The following NUP62CL variants were observed in gnomAD, a reference collection of about 807,000 sequenced individuals.
NUP62CL encodes the protein nucleoporin-62 C-terminal-like protein.
Under a neutral mutation model 15.3 loss-of-function variants are expected in NUP62CL, and 13 were observed. The observed-to-expected ratio is 0.85, with a 90% CI of 0.55 to 1.35. The LOEUF (loss-of-function observed/expected upper bound fraction) is 1.35, where lower values mean the gene tolerates loss of function less well. Ranked by LOEUF, NUP62CL falls within the 40% of genes most tolerant of loss-of-function variation. NUP62CL has a pLI of 0.00. For missense variants in NUP62CL, 123 were observed against 130.6 expected (o/e 0.94, Z 0.28); for synonymous variants, 54 against 49.2 (o/e 1.10, Z -0.41).
intron 8 of NUP62CL, chrX:107,132,086 T>G (rs925069538): frequency 6.1e-6 from 7 of 1,154,481 alleles, no homozygotes; most frequent in Admixed American, 2.2e-5. Context: ...GACGAAGAAG[T>G]GGTAGCTTCA....
intron 2 of NUP62CL, among the ~76,000 whole-genome samples, chrX:107,189,909 GAAA>G (rs2147815445): frequency 9.8e-6 from 1 of 102,450 alleles, no homozygotes; most frequent in Admixed American, 1.1e-4. Flanking sequence ...AAGAAAGAAA[GAAA>G]GAAAGAAAGA....
intron 8 of NUP62CL, among the ~76,000 whole-genome samples, chrX:107,144,976 G>C (rs1041896261): frequency 1.8e-5 from 2 of 111,391 alleles, no homozygotes; most frequent in African/African-American, 3.3e-5. Context: ...TACAGACTCA[G>C]AGAGATTAAG....
In NUP62CL at chrX:107,193,080, A is replaced by C; in HGVS notation, c.-91-8T>G. 8.9e-6 allele frequency: 1 copy of C among 112,175 alleles called. No individual in the cohort carries two copies. Among genetic ancestry groups the C allele is most frequent in the Non-Finnish European group, 1.9e-5 (1 of 53,243 alleles). The allele number at this position is 112,175 out of a possible 1,213,427, so 9.2% of individuals were successfully genotyped here. On this transcript the variant is annotated splice_polypyrimidine_tract_variant and splice_region_variant and intron_variant, in intron 1 of 8. Transcript: ENST00000372466. ...TGCTGATGACTCCAAACCCTAAAAA[A>C]GGATAAGAGAAGAATGGGAAAAAAA...
chrX:107,178,457 T>C (rs773193087), intron 2 of NUP62CL, among the ~76,000 whole-genome samples: 40 of 112,661 alleles, frequency 3.6e-4, no homozygotes, highest in African/African-American at 1.2e-3. Flanking sequence ...AAAGTTCATA[T>C]CTTTTCATCC....
At chrX:107,145,849 C>T (rs1168402881) in intron 8 of NUP62CL, among the ~76,000 whole-genome samples, 2 of 111,014 alleles carry the variant, frequency 1.8e-5, no homozygotes, top group Non-Finnish European at 3.8e-5. Flanking sequence ...TCATAACGAA[C>T]TTTTTGAAGA....
chrX:107,153,100 C>T (rs972953407), intron 7 of NUP62CL, 72 bp downstream of exon 7: 6 of 1,002,776 alleles, frequency 6.0e-6, no homozygotes, highest in Non-Finnish European at 6.5e-6. Flanking sequence ...TCGACTTTTC[C>T]CCTCTGTTCC....
chrX:107,191,360 A>G (rs1207730111), intron 2 of NUP62CL, among the ~76,000 whole-genome samples: 1 of 108,880 alleles, frequency 9.2e-6, no homozygotes, highest in African/African-American at 3.4e-5. Flanking sequence ...AAAACATTTA[A>G]AAATGTTTTA....
intron 4 of NUP62CL, among the ~76,000 whole-genome samples, chrX:107,165,953 T>C (rs1285764458): frequency 1.2e-5 from 1 of 85,255 alleles, no homozygotes; most frequent in African/African-American, 7.8e-5. Flanking sequence ...ATAAAACTTT[T>C]AGAAAAACAC....
chrX:107,154,078 A>G lies in NUP62CL; in HGVS notation c.345+18T>C. 1 of 1,178,368 alleles carries G rather than the reference A, an allele frequency of 8.5e-7. No homozygotes were observed. Among genetic ancestry groups the G allele is most frequent in the Non-Finnish European group, 1.1e-6 (1 of 874,030 alleles). ...ATACTTGCACAATGTAGGTAGATTA[A>G]TGAAAATATTTTCTTACCATCTCAC... On this transcript the variant is annotated intron_variant, in intron 5 of 8. Transcript: ENST00000372466.
At position 107,153,195 on chromosome X, in the gene NUP62CL, A is replaced by G. The variant is rs1926088766; in HGVS notation, c.507T>C (p.Asp169=). The G allele has an allele frequency of 2.5e-6, 3 of 1,207,112 alleles. No individual in the cohort carries two copies. The highest frequency in any genetic ancestry group is 3.4e-6 in the Non-Finnish European group (3 of 894,037). The change falls in exon 7 of 9, where the codon GAT becomes GAC. Residue 169 remains aspartate, a synonymous_variant. Coordinates refer to ENST00000372466, the MANE Select transcript of NUP62CL (RefSeq NM_017681.3). ...ACATCTCCACATGCTCCTCATCTGC[A>G]TCCTGCAGATAATGAAGTCCACTCT... ...RDQSGLHYLQ[D]ADEEHVEIST...
intron 5 of NUP62CL, 38 bp downstream of exon 5, chrX:107,154,058 T>C (rs779736841): frequency 9.0e-6 from 10 of 1,113,119 alleles, no homozygotes; most frequent in Non-Finnish European, 1.2e-5. Context: ...TGCAAATACT[T>C]GCACAATGTA....
intron 4 of NUP62CL, among the ~76,000 whole-genome samples, chrX:107,161,811 A>T (rs1024802183): frequency 1.0e-4 from 9 of 86,938 alleles, no homozygotes; most frequent in East Asian, 3.8e-4. Flanking sequence ...TAATAATAAT[A>T]AAAAAAATTT....
intron 2 of NUP62CL, among the ~76,000 whole-genome samples, chrX:107,189,931 AAG>A (rs1339867414): frequency 1.9e-5 from 2 of 107,540 alleles, no homozygotes; most frequent in Non-Finnish European, 3.8e-5. Flanking sequence ...GAAAGAAAGA[AAG>A]AAAGAAAGAA....
chrX:107,156,481 C>T (rs1310320912), intron 4 of NUP62CL, among the ~76,000 whole-genome samples: 7 of 106,533 alleles, frequency 6.6e-5, no homozygotes, highest in Admixed American at 3.0e-4. Context: ...CCCTGATCCC[C>T]GAGCAGCCTA....
intron 8 of NUP62CL, among the ~76,000 whole-genome samples, chrX:107,147,015 G>A (rs1029665884): frequency 3.6e-5 from 4 of 111,463 alleles, no homozygotes; most frequent in Non-Finnish European, 5.7e-5. Context: ...TAGAACAAAG[G>A]AACAGGAATT....
intron 1 of NUP62CL, among the ~76,000 whole-genome samples, chrX:107,203,695 C>T (rs1340293645): frequency 9.0e-6 from 1 of 110,882 alleles, no homozygotes; most frequent in Admixed American, 9.6e-5. Flanking sequence ...AAAAAAATTT[C>T]CAAAACAGTA....
intron 4 of NUP62CL, among the ~76,000 whole-genome samples, chrX:107,157,526 C>T (rs1335077111): frequency 2.0e-4 from 21 of 105,431 alleles, no homozygotes; most frequent in African/African-American, 7.3e-4. Context: ...TCCAGCCAAA[C>T]TAAGCTTCAT....
chrX:107,141,931 G>A lies in NUP62CL; in HGVS notation c.*42+5812C>T, dbSNP rs758855613. ...AAAAATTAGCCGGGTATGGTGGTGC[G>A]TGCCTGTAGTCCCAGCTACTCGGGA... is the stretch of plus-strand genomic sequence containing the variant. On this transcript the variant is annotated intron_variant, in intron 8 of 8. Coordinates refer to ENST00000372466, the MANE Select transcript of NUP62CL (RefSeq NM_017681.3). Among the ~76,000 whole-genome samples, 282 of 109,254 alleles carry A rather than the reference G, an allele frequency of 2.6e-3. 3 individuals carry two copies. Among genetic ancestry groups the A allele is most frequent in the African/African-American group, 8.9e-3 (265 of 29,921 alleles). 94.9% of individuals were successfully genotyped at this position (109,254 alleles called of 115,157 possible). A position where few individuals can be genotyped will look rare whatever the true frequency, so the allele number is the denominator to read the frequency against.
rs202006097 is a variant in NUP62CL, at chrX:107,153,217, C to G, written c.485G>C (p.Ser162Thr). The G allele has an allele frequency of 1.9e-4, 233 of 1,206,409 alleles. No homozygotes were observed. In the East Asian group the frequency reaches 6.9e-3, roughly 36 times the overall value. ...TGCATCCTGCAGATAATGAAGTCCA[C>G]TCTGGTCACGCGTAGACTCCTCTAA... ...TYLEESTRDQ[S>T]GLHYLQDADE... Residue 162 changes from serine to threonine, a missense_variant, in exon 7 of 9, where the codon AGT becomes ACT. Physicochemically the swap from Ser to Thr is moderately conservative, Grantham distance 58. Transcript: ENST00000372466.
Sources: allele counts gnomAD v4.1 joint callset (sites outside exome capture counted in the v4.1 genomes callset), GRCh38; gene constraint gnomAD v4.1.1; transcripts MANE v1.5; gene names NCBI Gene and HGNC (gene_info 2026-07-23, HGNC 2026-07-21).